EIF4G3: variants seen among roughly 807,000 people sequenced by gnomAD.
EIF4G3 encodes eukaryotic translation initiation factor 4 gamma 3.
In EIF4G3, 34 loss-of-function variants were observed where a neutral mutation model predicts 186.4. The ratio of observed to expected loss-of-function variants is 0.18; its 90% CI spans 0.14 to 0.24. The LOEUF (loss-of-function observed/expected upper bound fraction) is 0.24. Ranked by LOEUF, EIF4G3 falls within the 10% of genes least tolerant of loss-of-function variation. EIF4G3 has a pLI of 1.00. For missense variants in EIF4G3, 1,536 were observed against 1,948.5 expected (o/e 0.79, Z 3.99); for synonymous variants, 673 against 679.5 (o/e 0.99, Z 0.15).
intron 14 of EIF4G3, among the ~76,000 whole-genome samples, chr1:20,936,394 A>G (rs117201764): frequency 1.3e-5 from 2 of 152,308 alleles, no homozygotes; most frequent in East Asian, 3.9e-4. Flanking sequence ...GGTAGATGAC[A>G]AAGAACCAGG....
chr1:20,981,452 C>T (rs1045365790), intron 8 of EIF4G3, among the ~76,000 whole-genome samples: 47 of 151,774 alleles, frequency 3.1e-4, no homozygotes, highest in South Asian at 8.3e-4. Context: ...AGGGTGGTTT[C>T]GACCCGACTG....
At chr1:20,898,355 A>T (rs1013219893) in intron 16 of EIF4G3, among the ~76,000 whole-genome samples, 4 of 152,124 alleles carry the variant, frequency 2.6e-5, no homozygotes, top group Non-Finnish European at 5.9e-5. Flanking sequence ...AAAAACTTTT[A>T]AAAATAATAT....
chr1:21,028,076 G>C (rs1035146509), intron 4 of EIF4G3, among the ~76,000 whole-genome samples: 1 of 152,202 alleles, frequency 6.6e-6, no homozygotes, highest in Non-Finnish European at 1.5e-5. Context: ...TGTAGTTAAA[G>C]AATAGCCAAA....
chr1:20,995,133 C>T (rs143000355), intron 7 of EIF4G3, among the ~76,000 whole-genome samples: 1 of 152,296 alleles, frequency 6.6e-6, no homozygotes, highest in East Asian at 1.9e-4. Flanking sequence ...AAATGTACCA[C>T]ATAACTTTAA....
chr1:20,956,962 G>A (rs1224711128), intron 12 of EIF4G3, among the ~76,000 whole-genome samples: 1 of 152,162 alleles, frequency 6.6e-6, no homozygotes, highest in Non-Finnish European at 1.5e-5. Flanking sequence ...ACCTTAATAT[G>A]TGATGCAAAA....
At chr1:21,073,600 C>A in intron 3 of EIF4G3, 1 of 502,686 alleles carries the variant, frequency 2.0e-6, no homozygotes, top group Admixed American at 2.0e-5. Context: ...GGCCTCACAG[C>A]ATGGACCCCT....
At chr1:21,110,098 A>G (rs2096694699) in intron 2 of EIF4G3, among the ~76,000 whole-genome samples, 1 of 152,150 alleles carries the variant, frequency 6.6e-6, no homozygotes, top group African/African-American at 2.4e-5. Context: ...AACAAATTGT[A>G]AAGTAGAAAC....
chr1:20,913,326 G>A (rs1284038621), intron 14 of EIF4G3, among the ~76,000 whole-genome samples: 2 of 152,098 alleles, frequency 1.3e-5, no homozygotes, highest in African/African-American at 2.4e-5. Flanking sequence ...TTGAGGCCAG[G>A]AGTTCCAAGA....
intron 30 of EIF4G3, among the ~76,000 whole-genome samples, chr1:20,831,580 T>C (rs944432236): frequency 5.4e-5 from 8 of 149,048 alleles, no homozygotes; most frequent in African/African-American, 2.0e-4. Flanking sequence ...AGGATCATTT[T>C]ATTGTTTTCC....
chr1:20,916,574 T>G (rs1340770550), intron 14 of EIF4G3, among the ~76,000 whole-genome samples: 2 of 151,698 alleles, frequency 1.3e-5, no homozygotes, highest in Admixed American at 6.6e-5. Context: ...TTCAACTGTC[T>G]TTTTTTTGCA....
At chr1:21,049,207 G>T (rs1186409309) in intron 4 of EIF4G3, among the ~76,000 whole-genome samples, 1 of 152,196 alleles carries the variant, frequency 6.6e-6, no homozygotes, top group Non-Finnish European at 1.5e-5. Flanking sequence ...TTTCCAGCAA[G>T]TTCCAGAACA....
chr1:20,906,354 C>G (rs781768040), intron 14 of EIF4G3, among the ~76,000 whole-genome samples: 15 of 152,238 alleles, frequency 9.9e-5, no homozygotes, highest in Non-Finnish European at 1.9e-4. Flanking sequence ...CTCCAAAATT[C>G]TTGTGATTTT....
chr1:21,094,800 TAA>T (rs2096315032), intron 2 of EIF4G3, among the ~76,000 whole-genome samples: 1 of 146,334 alleles, frequency 6.8e-6, no homozygotes, highest in South Asian at 2.2e-4. Flanking sequence ...ATAATAATAA[TAA>T]TAAAAGCCAG....
intron 29 of EIF4G3, among the ~76,000 whole-genome samples, chr1:20,849,037 A>G (rs976781868): frequency 1.7e-5 from 2 of 118,570 alleles, no homozygotes; most frequent in Non-Finnish European, 3.3e-5. Flanking sequence ...ACACAGCAAG[A>G]CTCTGTCTCA....
In EIF4G3 at chr1:20,851,340, C is replaced by T. The variant is rs777326884; in HGVS notation, c.3690G>A (p.Leu1230=). 16 of 1,614,030 alleles carry T rather than the reference C, an allele frequency of 9.9e-6. No individual in the cohort carries two copies. The Admixed American group carries it at 2.2e-4, about 22-fold the overall frequency. The stretch of plus-strand genomic sequence containing the variant: ...CTCCTGTGAGCTGCTTCACGGTCTC[C>T]AGCATCTCTCTCCGCTGCTCTTCTT... ...QSQEEQRREM[L]ETVKQLTGGV... The change falls in exon 28 of 37, where the codon CTG becomes CTA. Residue 1230 remains leucine, a synonymous_variant. Coordinates refer to ENST00000602326, the MANE Select transcript of EIF4G3 (RefSeq NM_001391906.1).
At chr1:21,102,649 AC>A (rs2096548060) in intron 2 of EIF4G3, among the ~76,000 whole-genome samples, 1 of 152,134 alleles carries the variant, frequency 6.6e-6, no homozygotes, top group Non-Finnish European at 1.5e-5. Context: ...TTATTATTTG[AC>A]ACCCTCCCAC....
chr1:21,047,972 T>C (rs970177550), intron 4 of EIF4G3, among the ~76,000 whole-genome samples: 1 of 152,172 alleles, frequency 6.6e-6, no homozygotes, highest in African/African-American at 2.4e-5. Flanking sequence ...CCAGGTGTGA[T>C]TTACTGGGTT....
At chr1:21,069,750 C>T (rs897023752) in intron 3 of EIF4G3, among the ~76,000 whole-genome samples, 2 of 151,988 alleles carry the variant, frequency 1.3e-5, no homozygotes, top group Non-Finnish European at 2.9e-5. Flanking sequence ...GAGTCTAACT[C>T]GTAGGAATTT....
At chr1:21,101,129 AG>A (rs2096508950) in intron 2 of EIF4G3, among the ~76,000 whole-genome samples, 1 of 152,178 alleles carries the variant, frequency 6.6e-6, no homozygotes, top group African/African-American at 2.4e-5. Flanking sequence ...AAGAGATCAA[AG>A]TTTAACGGTA....
Sources: allele counts gnomAD v4.1 joint callset (sites outside exome capture counted in the v4.1 genomes callset), GRCh38; gene constraint gnomAD v4.1.1; transcripts MANE v1.5; gene names NCBI Gene and HGNC (gene_info 2026-07-23, HGNC 2026-07-21).